Variants in CSTF2 observed in about 807,000 individuals in gnomAD.
The protein encoded by CSTF2 is CF-1 64 kDa subunit.
CSTF2 carries 8 observed loss-of-function variants against 45.4 expected under a neutral mutation model. The ratio of observed to expected loss-of-function variants is 0.18; its 90% CI spans 0.10 to 0.32. The LOEUF is 0.32. CSTF2 is among the 10% of genes least tolerant of loss of function. CSTF2 has a pLI of 1.00. For missense variants in CSTF2, 253 were observed against 477.1 expected, an observed-to-expected ratio of 0.53 and a Z score of 4.38; for synonymous variants, 155 against 158.9, an observed-to-expected ratio of 0.98 and a Z score of 0.18.
At chrX:100,821,665 T>C in intron 2 of CSTF2, 60 bp downstream of exon 2, 1 of 853,741 alleles carries the variant, frequency 1.2e-6, no homozygotes, top group Middle Eastern at 2.8e-4. Context: ...GATTTGGCTC[T>C]TAGTAATAAT....
chrX:100,831,159 C>A (rs1200110562), intron 8 of CSTF2, among the ~76,000 whole-genome samples: 1 of 111,115 alleles, frequency 9.0e-6, no homozygotes, highest in Non-Finnish European at 1.9e-5. Flanking sequence ...CGGGTTCTTG[C>A]AGAGCCATGG....
chrX:100,837,169 A>G (rs775446759), intron 11 of CSTF2, among the ~76,000 whole-genome samples, 170 bp from the exon 12 acceptor site: 28 of 112,524 alleles, frequency 2.5e-4, no homozygotes, highest in African/African-American at 8.7e-4. Flanking sequence ...ATCTCTGGCT[A>G]AACCCTGCCT....
intron 8 of CSTF2, among the ~76,000 whole-genome samples, chrX:100,830,264 A>G (rs150675051): frequency 0.037 from 4,122 of 111,922 alleles, 208 homozygotes; most frequent in African/African-American, 0.13. Context: ...TGTAAAGTTC[A>G]TTCACTGCAT....
intron 1 of CSTF2, 144 bp from the exon 2 acceptor site, chrX:100,821,383 T>A: frequency 6.7e-6 from 3 of 446,243 alleles, no homozygotes; most frequent in Non-Finnish European, 1.2e-5. Flanking sequence ...ATATTTCCTT[T>A]GTTAAGAGGT....
chrX:100,827,981 A>G (rs1434675565), intron 7 of CSTF2, 59 bp from the exon 8 acceptor site: 2 of 1,023,053 alleles, frequency 2.0e-6, no homozygotes, highest in East Asian at 3.1e-5. Flanking sequence ...CCACTGTTCT[A>G]ATTTTTCTTT....
chrX:100,830,904 G>C, intron 8 of CSTF2: 2 of 1,061,555 alleles, frequency 1.9e-6, no homozygotes, highest in Non-Finnish European at 2.5e-6. Context: ...TTTGCTTGTG[G>C]TGTTCAGGGT....
chrX:100,823,740 C>T, intron 4 of CSTF2, 146 bp from the exon 5 acceptor site: 2 of 714,182 alleles, frequency 2.8e-6, no homozygotes, highest in Admixed American at 7.4e-5. Flanking sequence ...CTTCTCTTGC[C>T]TGCCATGACC....
In CSTF2 at chrX:100,838,217, C is replaced by CT. The variant is rs369079352; in HGVS notation, c.1612-12dup. Reference sequence around the variant, plus strand: ...AGCTGCCATCATTAAAACTCACTACCTTTTTTTTTTCCTCTGCACAGGCTG... The same window carrying CT: ...AGCTGCCATCATTAAAACTCACTACCTTTTTTTTTTTCCTCTGCACAGGCTG... On this transcript the variant is annotated intron_variant, in intron 12 of 13. Transcript: ENST00000372972. 4,590 of 984,597 alleles carry CT rather than the reference C, an allele frequency of 4.7e-3. 41 individuals are homozygous for CT. The African/African-American group carries it at 0.054, about 12-fold the overall frequency. The allele number at this position is 984,597 out of a possible 1,213,427, so 81.1% of individuals were successfully genotyped here.
chrX:100,835,037 T>TA (rs1262920157), intron 11 of CSTF2, among the ~76,000 whole-genome samples: 4 of 111,111 alleles, frequency 3.6e-5, no homozygotes, highest in Non-Finnish European at 5.7e-5. Context: ...TTCAAACCTT[T>TA]AAAAAAATTT....
intron 8 of CSTF2, among the ~76,000 whole-genome samples, chrX:100,829,602 C>G (rs764614398): frequency 9.7e-4 from 109 of 111,853 alleles, no homozygotes; most frequent in Admixed American, 1.9e-3. Flanking sequence ...GCTGAAGTGA[C>G]AGAATTAACT....
At position 100,823,602 on chromosome X, in the gene CSTF2, T is replaced by G. The variant is rs147059119; in HGVS notation, c.444+174T>G. ...ACATTTTGTACAAAGAGCTTTCTAT[T>G]TTTGTACACAAACACAGCTATCCAA... On this transcript the variant is annotated intron_variant, in intron 4 of 13. Coordinates refer to ENST00000372972, the MANE Select transcript of CSTF2 (RefSeq NM_001325.3). 1.1e-4 allele frequency among the ~76,000 whole-genome samples: 12 copies of G among 112,882 alleles called. No individual in the cohort carries two copies. In the East Asian group the frequency reaches 3.3e-3, roughly 31 times the overall value.
intron 8 of CSTF2, chrX:100,830,811 C>G: frequency 8.7e-7 from 1 of 1,152,661 alleles, no homozygotes; most frequent in South Asian, 1.9e-5. Context: ...TACCTAGGAA[C>G]CCTACAGCAC....
intron 13 of CSTF2, among the ~76,000 whole-genome samples, chrX:100,840,100 C>T (rs767821484): frequency 5.2e-4 from 58 of 111,655 alleles, no homozygotes; most frequent in African/African-American, 1.9e-3. Context: ...CAGTTTTCAC[C>T]ATTTTAAAAA....
intron 13 of CSTF2, among the ~76,000 whole-genome samples, chrX:100,840,438 A>G (rs764727889): frequency 8.0e-5 from 9 of 111,830 alleles, no homozygotes; most frequent in African/African-American, 2.6e-4. Context: ...TAAACATCCC[A>G]TAATGCACAG....
At chrX:100,821,764 CATTT>C (rs1291339566) in intron 2 of CSTF2, among the ~76,000 whole-genome samples, 159 bp downstream of exon 2, 4 of 112,206 alleles carry the variant, frequency 3.6e-5, no homozygotes, top group African/African-American at 1.3e-4. Flanking sequence ...ATACAATTGA[CATTT>C]ATTCTTACCT....
intron 11 of CSTF2, among the ~76,000 whole-genome samples, chrX:100,835,547 CT>C (rs3031093): frequency 8.4e-4 from 85 of 100,633 alleles, no homozygotes; most frequent in Admixed American, 9.9e-4. Context: ...TGTTCTATAC[CT>C]TTTTTTTTTT....
At chrX:100,839,150 G>T (rs186557162) in intron 13 of CSTF2, among the ~76,000 whole-genome samples, 1 of 108,246 alleles carries the variant, frequency 9.2e-6, no homozygotes, top group East Asian at 2.9e-4. Flanking sequence ...TTGTGAGGCC[G>T]AGGTGGGAGG....
intron 7 of CSTF2, among the ~76,000 whole-genome samples, chrX:100,827,822 C>A (rs1249540892): frequency 8.9e-6 from 1 of 111,989 alleles, no homozygotes; most frequent in Non-Finnish European, 1.9e-5. Context: ...ATGAATTATT[C>A]TTATTGAACT....
Position 100,838,307 on chromosome X carries a change from G to A in CSTF2, c.1680G>A (p.Arg560=). 1 of 1,204,936 alleles carries A rather than the reference G, an allele frequency of 8.3e-7. No individual in the cohort carries two copies. The highest frequency in any genetic ancestry group is 1.1e-6 in the Non-Finnish European group (1 of 892,076). ...DQIAMLPPEQ[R]QSILILKEQI... is the part of the protein sequence containing the mutation. ...TTGCCATGTTGCCTCCTGAGCAAAG[G>A]CAGAGTATCCTGATTTTAAAGGAAC... Residue 560 remains arginine, a synonymous_variant, in exon 13 of 14, where the codon AGG becomes AGA. Transcript: ENST00000372972.
Sources: gnomAD v4.1 joint callset for allele counts (sites outside exome capture counted in the v4.1 genomes callset) on GRCh38, gnomAD v4.1.1 for gene constraint, MANE v1.5 for transcripts, NCBI Gene and HGNC (gene_info 2026-07-23, HGNC 2026-07-21) for gene names.